Variants in ZCCHC24 observed in about 807,000 individuals in gnomAD.
ZCCHC24 encodes the protein zinc finger CCHC domain-containing protein 24.
A neutral mutation model predicts 26.2 loss-of-function variants in ZCCHC24; 10 were observed. The ratio of observed to expected loss-of-function variants is 0.38; its 90% CI spans 0.24 to 0.65. The LOEUF (loss-of-function observed/expected upper bound fraction) is 0.65. ZCCHC24 is among the 30% of genes least tolerant of loss of function. ZCCHC24 has a pLI of 0.54. For missense variants in ZCCHC24, 243 were observed against 329.1 expected (o/e 0.74, Z 2.03); for synonymous variants, 144 against 147.1 (o/e 0.98, Z 0.15).
In ZCCHC24 at chr10:79,432,778, A is replaced by G. The variant is rs1589678104; in HGVS notation, c.247-20T>C. ...CAGCGCCTGTGGGAGACAGAGGCAC[A>G]TATACTACAGCCTCTGCCTTGGGAG... On this transcript the variant is annotated intron_variant, in intron 1 of 3. Transcript: ENST00000372336. 6.2e-7 allele frequency: 1 copy of G among 1,606,986 alleles called. No individual in the cohort carries two copies. Among genetic ancestry groups the G allele is most frequent in the East Asian group, 2.3e-5 (1 of 44,436 alleles).
chr10:79,409,689 C>T (rs1484791207), intron 2 of ZCCHC24, among the ~76,000 whole-genome samples: 1 of 152,210 alleles, frequency 6.6e-6, no homozygotes, highest in Non-Finnish European at 1.5e-5. Context: ...GCATGCTGGT[C>T]GCTGTTCCTG....
At chr10:79,422,516 T>A (rs918220953) in intron 2 of ZCCHC24, among the ~76,000 whole-genome samples, 1 of 152,232 alleles carries the variant, frequency 6.6e-6, no homozygotes, top group African/African-American at 2.4e-5. Flanking sequence ...CCTTGTCTCC[T>A]GCCCTTTCCC....
At chr10:79,408,089 C>T (rs1856742946) in intron 2 of ZCCHC24, among the ~76,000 whole-genome samples, 1 of 152,238 alleles carries the variant, frequency 6.6e-6, no homozygotes, top group African/African-American at 2.4e-5. Flanking sequence ...CTGCCCCCAC[C>T]TCCACCACCG....
chr10:79,414,944 C>T (rs1409296304), intron 2 of ZCCHC24, among the ~76,000 whole-genome samples: 1 of 152,214 alleles, frequency 6.6e-6, no homozygotes, highest in African/African-American at 2.4e-5. Context: ...CAGCACTGGT[C>T]CCCAGGCTCT....
rs896262533 is a variant in ZCCHC24, at chr10:79,383,454, A to C, written c.*2891T>G. The stretch of plus-strand genomic sequence containing the variant: ...AACCAACCAAAAACCCAATAACGGG[A>C]AACAGAAAAGTTCTCACCATAAATA... On this transcript the variant is annotated 3_prime_UTR_variant, in exon 4 of 4. Coordinates refer to ENST00000372336, the MANE Select transcript of ZCCHC24 (RefSeq NM_153367.4). The C allele has an allele frequency of 6.6e-6, 1 of 152,412 alleles. No individual in the cohort carries two copies. The highest frequency in any genetic ancestry group is 6.5e-5 in the Admixed American group (1 of 15,284). 9.4% of individuals were successfully genotyped at this position (152,412 alleles called of 1,614,324 possible).
At chr10:79,443,565 T>G (rs552546703) in intron 1 of ZCCHC24, among the ~76,000 whole-genome samples, 9 of 152,222 alleles carry the variant, frequency 5.9e-5, no homozygotes, top group Non-Finnish European at 1.3e-4. Context: ...TACTCATCCG[T>G]GGCCCCCACT....
At chr10:79,389,992 T>G (rs1269605929) in intron 3 of ZCCHC24, among the ~76,000 whole-genome samples, 1 of 152,132 alleles carries the variant, frequency 6.6e-6, no homozygotes, top group African/African-American at 2.4e-5. Context: ...GCCTTCCAAG[T>G]AGCTGGGACC....
Position 79,383,332 on chromosome 10 carries a change from C to T in ZCCHC24, c.*3013G>A, listed in dbSNP as rs2132167624. 6.5e-6 allele frequency: 1 copy of T among 152,706 alleles called. No individual in the cohort carries two copies. Among genetic ancestry groups the T allele is most frequent in the South Asian group, 2.1e-4 (1 of 4,826 alleles). The allele number at this position is 152,706 out of a possible 1,614,324, so 9.5% of individuals were successfully genotyped here. On this transcript the variant is annotated 3_prime_UTR_variant, in exon 4 of 4. Transcript: ENST00000372336. ...TTTTTTTCCTCATCAGAATTATGTA[C>T]CAACTTCATATAATATTCTATGTAG... is the stretch of plus-strand genomic sequence containing the variant.
At chr10:79,391,650 C>T (rs1856479780) in intron 3 of ZCCHC24, among the ~76,000 whole-genome samples, 1 of 151,924 alleles carries the variant, frequency 6.6e-6, no homozygotes, top group African/African-American at 2.4e-5. Context: ...CATTATCTGC[C>T]TTCCCTCCTC....
chr10:79,401,407 A>G (rs757393945), intron 2 of ZCCHC24, among the ~76,000 whole-genome samples: 4 of 152,220 alleles, frequency 2.6e-5, no homozygotes, highest in Non-Finnish European at 5.9e-5. Context: ...CAGGTTTCAG[A>G]TGGGAACGCT....
At position 79,382,981 on chromosome 10, in the gene ZCCHC24, C is replaced by G. The variant is rs1251450593; in HGVS notation, c.*3364G>C. On this transcript the variant is annotated 3_prime_UTR_variant, in exon 4 of 4. Coordinates refer to ENST00000372336, the MANE Select transcript of ZCCHC24 (RefSeq NM_153367.4). ...AAATAAGCTGCTTCTTCCCCTTGCC[C>G]ACTCCCTGTCCCTCTACAAAATTAA... 6.6e-6 allele frequency: 1 copy of G among 152,596 alleles called. No individual in the cohort carries two copies. Among genetic ancestry groups the G allele is most frequent in the African/African-American group, 2.4e-5 (1 of 41,432 alleles). 9.5% of individuals were successfully genotyped at this position (152,596 alleles called of 1,614,324 possible).
chr10:79,423,910 C>G (rs1856991411), intron 2 of ZCCHC24, among the ~76,000 whole-genome samples: 1 of 150,760 alleles, frequency 6.6e-6, no homozygotes, highest in South Asian at 2.1e-4. Flanking sequence ...CCCAGCTACT[C>G]TGGAGGCTGA....
At chr10:79,432,268 A>G (rs544738293) in intron 2 of ZCCHC24, among the ~76,000 whole-genome samples, 1 of 152,270 alleles carries the variant, frequency 6.6e-6, no homozygotes, top group Non-Finnish European at 1.5e-5. Context: ...ACTGGTGGAG[A>G]CCCAAAGGCA....
At chr10:79,435,461 AC>A (rs1589679396) in intron 1 of ZCCHC24, among the ~76,000 whole-genome samples, 1 of 152,094 alleles carries the variant, frequency 6.6e-6, no homozygotes, top group South Asian at 2.1e-4. Flanking sequence ...TCGACACCCC[AC>A]CCTCTGGAGG....
intron 3 of ZCCHC24, among the ~76,000 whole-genome samples, chr10:79,389,566 GTC>G (rs1554839976): frequency 3.7e-4 from 55 of 146,892 alleles, no homozygotes; most frequent in Middle Eastern, 3.5e-3. Context: ...GTGTGTGTGT[GTC>G]TGTGTGATAG....
chr10:79,406,447 T>C (rs1344247569), intron 2 of ZCCHC24, among the ~76,000 whole-genome samples: 4 of 152,176 alleles, frequency 2.6e-5, no homozygotes, highest in Non-Finnish European at 5.9e-5. Context: ...CCACCCCTGC[T>C]GACCCTGCTT....
At chr10:79,388,622 C>T (rs541263215) in intron 3 of ZCCHC24, among the ~76,000 whole-genome samples, 215 of 152,336 alleles carry the variant, frequency 1.4e-3, no homozygotes, top group Non-Finnish European at 1.9e-3. Context: ...TTGCAGCCCC[C>T]ACCCCCTTGA....
At chr10:79,441,117 C>CACACACACACACACACACA (rs1589682075) in intron 1 of ZCCHC24, among the ~76,000 whole-genome samples, 2 of 147,914 alleles carry the variant, frequency 1.4e-5, no homozygotes, top group African/African-American at 2.6e-5. Context: ...CACACACACA[C>CACACACACACACACACACA]CACAAAGGCT....
chr10:79,413,759 CAT>C (rs1491524699), intron 2 of ZCCHC24, among the ~76,000 whole-genome samples: 42 of 73,376 alleles, frequency 5.7e-4, no homozygotes, highest in African/African-American at 1.9e-3. Context: ...TGTGCGTGCG[CAT>C]GTGTGTGTGT....
Sources: gnomAD v4.1 joint callset for allele counts (sites outside exome capture counted in the v4.1 genomes callset) on GRCh38, gnomAD v4.1.1 for gene constraint, MANE v1.5 for transcripts, NCBI Gene and HGNC (gene_info 2026-07-23, HGNC 2026-07-21) for gene names.